Variants in CCDC138 observed in about 807,000 individuals in gnomAD.
The protein encoded by CCDC138 is coiled-coil domain containing 138, also known as coiled-coil domain-containing protein 138.
In CCDC138, 66 loss-of-function variants were observed where a neutral mutation model predicts 82.3. That is an observed-to-expected ratio of 0.80 (90% confidence interval 0.66 to 0.98). The LOEUF (loss-of-function observed/expected upper bound fraction) is 0.98, where lower values mean the gene tolerates loss of function less well. Among genes scored for constraint, CCDC138 ranks in the 50% least tolerant of loss-of-function variants. CCDC138 has a pLI of 0.00. For synonymous variants in CCDC138, 297 were observed against 265.4 expected (o/e 1.12, Z -1.16); for missense variants, 816 against 758.9 (o/e 1.08, Z -0.88).
At chr2:108,812,571 C>G in intron 7 of CCDC138, 60 bp from the exon 8 acceptor site, 6 of 1,259,634 alleles carry the variant, frequency 4.8e-6, no homozygotes, top group Non-Finnish European at 6.9e-6. Context: ...ATTGGGAAAC[C>G]CTTAGTATGA....
At chr2:108,881,704 C>T (rs774169207) in intron 1 of CCDC138, among the ~76,000 whole-genome samples, 8 of 152,146 alleles carry the variant, frequency 5.3e-5, no homozygotes, top group Non-Finnish European at 1.2e-4. Context: ...TGTTATGTCT[C>T]AGGAAATGAA....
chr2:108,816,557 G>T (rs1399472262), intron 10 of CCDC138, among the ~76,000 whole-genome samples: 2 of 152,174 alleles, frequency 1.3e-5, no homozygotes, highest in African/African-American at 4.8e-5. Context: ...ATGGCTGGGG[G>T]CTGAGTGTGC....
intron 12 of CCDC138, among the ~76,000 whole-genome samples, chr2:108,854,024 TTATA>T (rs1558738477): frequency 9.3e-6 from 1 of 107,860 alleles, no homozygotes; most frequent in East Asian, 2.2e-4. Context: ...TATAATAAAT[TTATA>T]TTATATATAA....
chr2:108,876,207 T>A lies in CCDC138; in HGVS notation c.1952T>A (p.Leu651Gln). The change falls in exon 15 of 15, where the codon CTG (leucine) becomes CAG (glutamine). Residue 651 changes from leucine (L) to glutamine (Q), a missense_variant. Transcript: ENST00000295124. ...CINLNSTLFN[L>Q]GLTKCNSLVS... ...AATCTAAATTCAACTCTGTTCAATC[T>A]GGGTTTAACAAAATGTAACTCCCTG... 1 of 1,613,198 alleles carries A rather than the reference T, an allele frequency of 6.2e-7. No homozygotes were observed. Among genetic ancestry groups the A allele is most frequent in the Non-Finnish European group, 8.5e-7 (1 of 1,179,524 alleles).
intron 9 of CCDC138, among the ~76,000 whole-genome samples, chr2:108,815,381 A>G (rs1684580339): frequency 6.6e-6 from 1 of 151,480 alleles, no homozygotes; most frequent in Non-Finnish European, 1.5e-5. Flanking sequence ...AGTTATTCCA[A>G]CTTCCTGATT....
intron 10 of CCDC138, among the ~76,000 whole-genome samples, chr2:108,824,863 C>T (rs1001545374): frequency 6.6e-6 from 1 of 152,006 alleles, no homozygotes; most frequent in African/African-American, 2.4e-5. Flanking sequence ...GAATTTTTAG[C>T]TGCATTATAA....
chr2:108,806,987 G>A (rs945811818), intron 7 of CCDC138, among the ~76,000 whole-genome samples: 16 of 152,100 alleles, frequency 1.1e-4, no homozygotes, highest in Non-Finnish European at 2.2e-4. Flanking sequence ...ACTGAAACCT[G>A]GCCTTGATTA....
intron 11 of CCDC138, among the ~76,000 whole-genome samples, chr2:108,843,880 T>TGTGTGTGTGTGTG (rs1558717151): frequency 2.1e-5 from 2 of 94,134 alleles, no homozygotes; most frequent in African/African-American, 1.1e-4. Context: ...GTGTGTGTGT[T>TGTGTGTGTGTGTG]TCTTTCTTTT....
At chr2:108,800,717 G>A (rs1330876947) in intron 6 of CCDC138, among the ~76,000 whole-genome samples, 3 of 111,020 alleles carry the variant, frequency 2.7e-5, no homozygotes, top group African/African-American at 1.1e-4. Flanking sequence ...ATGCTGGTGC[G>A]CTGCACCCAC....
chr2:108,867,439 A>G lies in CCDC138; in HGVS notation c.1694-6012A>G, dbSNP rs188822931. Among the ~76,000 whole-genome samples the G allele has an allele frequency of 3.9e-5, 6 of 152,366 alleles. No individual in the cohort carries two copies. The East Asian group carries it at 1.2e-3, about 29-fold the overall frequency. ...AACAACATGGTTCAAAACTGGAAAAATGGCAGACTAGGAAGTTTACCTGGG... is the reference window on the plus strand; with the variant it reads ...AACAACATGGTTCAAAACTGGAAAAGTGGCAGACTAGGAAGTTTACCTGGG... On this transcript the variant is annotated intron_variant, in intron 13 of 14. Transcript: ENST00000295124.
At chr2:108,803,944 A>G (rs1194216949) in intron 6 of CCDC138, among the ~76,000 whole-genome samples, 1 of 152,232 alleles carries the variant, frequency 6.6e-6, no homozygotes, top group Non-Finnish European at 1.5e-5. Flanking sequence ...ATTTGTGACT[A>G]TATCCTAAGT....
In CCDC138 at chr2:108,846,851, G is replaced by A. The variant is rs1690580628; in HGVS notation, c.1437G>A (p.Lys479=). The A allele has an allele frequency of 1.2e-6, 2 of 1,613,574 alleles. No individual in the cohort carries two copies. Among genetic ancestry groups the A allele is most frequent in the Non-Finnish European group, 1.7e-6 (2 of 1,179,804 alleles). Residue 479 remains lysine (K), a synonymous_variant, in exon 12 of 15, where the codon AAG becomes AAA. Transcript: ENST00000295124. ...SPQHSVENKP[K]TAAFFKSSNL... is the part of the protein sequence containing the mutation. ...AGCATTCTGTGGAGAATAAACCAAA[G>A]ACAGCTGCTTTCTTTAAGAGCTCCA...
intron 14 of CCDC138, among the ~76,000 whole-genome samples, chr2:108,874,514 T>G (rs952713793): frequency 1.3e-5 from 2 of 152,218 alleles, no homozygotes; most frequent in Admixed American, 6.5e-5. Flanking sequence ...GTAACATTTT[T>G]ATTTTGATTT....
At chr2:108,827,628 A>G (rs1488518528) in intron 10 of CCDC138, among the ~76,000 whole-genome samples, 1 of 152,076 alleles carries the variant, frequency 6.6e-6, no homozygotes, top group Non-Finnish European at 1.5e-5. Flanking sequence ...TATCCTGGCT[A>G]ACACAGTGAA....
Position 108,804,889 on chromosome 2 carries a change from C to A in CCDC138, c.736C>A (p.Gln246Lys), listed in dbSNP as rs1682589713. ...GAGAGTTTTTTTTTTCTCCTCCTAG[C>A]AGCATGATGCAGAAGTTGAACACTT... ...VLTRFQIIKE[Q>K]HDAEVEHLTE... The change falls in exon 7 of 15, where the codon CAG becomes AAG. Residue 246 changes from glutamine (Q) to lysine (K), a missense_variant and splice_region_variant. By Grantham distance (53) the Gln-to-Lys change is moderately conservative. Transcript: ENST00000295124. The A allele has an allele frequency of 2.0e-6, 3 of 1,535,198 alleles. No individual in the cohort carries two copies. Among genetic ancestry groups the A allele is most frequent in the Admixed American group, 2.3e-5 (1 of 42,676 alleles).
chr2:108,812,738 A>G (rs1684087465), intron 8 of CCDC138, 30 bp downstream of exon 8: 2 of 1,606,846 alleles, frequency 1.2e-6, no homozygotes, highest in South Asian at 1.1e-5. Context: ...CTACAGACAG[A>G]AGTATGTTTT....
chr2:108,847,998 T>C (rs1690775583), intron 12 of CCDC138, among the ~76,000 whole-genome samples: 1 of 151,976 alleles, frequency 6.6e-6, no homozygotes, highest in African/African-American at 2.4e-5. Flanking sequence ...TAAAAAAAAA[T>C]ACACACACGC....
At chr2:108,862,452 G>T (rs1209618972) in intron 13 of CCDC138, among the ~76,000 whole-genome samples, 2 of 152,090 alleles carry the variant, frequency 1.3e-5, no homozygotes, top group African/African-American at 4.8e-5. Flanking sequence ...GAGGATTTTG[G>T]ATTTTCAGAT....
At chr2:108,866,880 G>GA (rs571640278) in intron 13 of CCDC138, among the ~76,000 whole-genome samples, 66 of 139,568 alleles carry the variant, frequency 4.7e-4, no homozygotes, top group South Asian at 1.1e-3. Context: ...AAGACTGTCT[G>GA]AAAAAAAAAA....
Sources: allele counts gnomAD v4.1 joint callset (sites outside exome capture counted in the v4.1 genomes callset), GRCh38; gene constraint gnomAD v4.1.1; transcripts MANE v1.5; gene names NCBI Gene and HGNC (gene_info 2026-07-23, HGNC 2026-07-21).